BCAS3: variants seen among roughly 807,000 people sequenced by gnomAD.
The protein encoded by BCAS3 is BCAS4/BCAS3 fusion.
BCAS3 carries 53 observed loss-of-function variants against 116.1 expected under a neutral mutation model. That is an observed-to-expected ratio of 0.46 (90% CI 0.37 to 0.57). The LOEUF (loss-of-function observed/expected upper bound fraction) is 0.57. Ranked by LOEUF, BCAS3 falls within the 20% of genes least tolerant of loss-of-function variation. BCAS3 has a pLI of 0.00. For missense variants in BCAS3, 917 were observed against 1,165.4 expected, an observed-to-expected ratio of 0.79 and a Z score of 3.10; for synonymous variants, 391 against 408.2, an observed-to-expected ratio of 0.96 and a Z score of 0.51.
chr17:60,726,639 A>C, intron 5 of BCAS3, among the ~76,000 whole-genome samples: 1 of 151,828 alleles, frequency 6.6e-6, no homozygotes, highest in Non-Finnish European at 1.5e-5. Context: ...CCTCCCGAGT[A>C]GCTGGGACTA....
At chr17:61,328,159 T>TA (rs151077628) in intron 22 of BCAS3, among the ~76,000 whole-genome samples, 2,734 of 148,400 alleles carry the variant, frequency 0.018, 54 homozygotes, top group Admixed American at 0.052. Context: ...CCTATAGCTT[T>TA]AAAAAAAAAA....
At chr17:60,737,044 G>A (rs2144199935) in intron 5 of BCAS3, among the ~76,000 whole-genome samples, 1 of 152,028 alleles carries the variant, frequency 6.6e-6, no homozygotes, top group South Asian at 2.1e-4. Context: ...GGTTCAAGCG[G>A]TTCTCTTGCC....
intron 13 of BCAS3, among the ~76,000 whole-genome samples, chr17:60,928,350 T>C (rs1218224149): frequency 1.3e-5 from 2 of 152,192 alleles, no homozygotes; most frequent in Non-Finnish European, 2.9e-5. Context: ...AAATATTATT[T>C]GAATGAAAGA....
Position 61,032,242 on chromosome 17 carries a change from C to A in BCAS3, c.1638-2424C>A, listed in dbSNP as rs888597299. ...TTACCACATGATTTAAAAACAACAA[C>A]AATGACATCCAGTAATTTGCAAAGA... On this transcript the variant is annotated intron_variant, in intron 16 of 23. Coordinates refer to ENST00000407086, the MANE Select transcript of BCAS3 (RefSeq NM_017679.5). The surrounding 1 kb of genome is among the most constrained non-coding windows in gnomAD (Gnocchi z 4.6). 3.3e-5 allele frequency among the ~76,000 whole-genome samples: 5 copies of A among 152,098 alleles called. No homozygotes were observed. The highest frequency in any genetic ancestry group is 1.2e-4 in the African/African-American group (5 of 41,432).
Position 61,203,679 on chromosome 17 carries a change from T to C in BCAS3, c.2425+119115T>C, listed in dbSNP as rs2080968331. On this transcript the variant is annotated intron_variant, in intron 22 of 23. Coordinates refer to ENST00000407086, the MANE Select transcript of BCAS3 (RefSeq NM_017679.5). This position sits in a 1 kb window ranked among gnomAD's most constrained non-coding sequence, Gnocchi z 5.7. ...AGCTACATATTTTGCCTTCCGTTCA[T>C]CTTTGTAACCATTTTTTTGTTTCAG... Among the ~76,000 whole-genome samples the C allele has an allele frequency of 6.6e-6, 1 of 152,198 alleles. No individual in the cohort carries two copies. The highest frequency in any genetic ancestry group is 2.4e-5 in the African/African-American group (1 of 41,454).
chr17:60,952,013 G>A (rs1208150662), intron 14 of BCAS3, among the ~76,000 whole-genome samples: 1 of 151,510 alleles, frequency 6.6e-6, no homozygotes, highest in African/African-American at 2.4e-5. Flanking sequence ...CTCAGGTGAT[G>A]CACCCGCCTC....
intron 6 of BCAS3, among the ~76,000 whole-genome samples, chr17:60,794,348 A>G (rs1007791451): frequency 2.1e-5 from 3 of 143,748 alleles, no homozygotes; most frequent in South Asian, 2.2e-4. Flanking sequence ...CTCCCACTCT[A>G]TGGATTGTCT....
intron 23 of BCAS3, among the ~76,000 whole-genome samples, chr17:61,372,525 G>A (rs1420553579): frequency 6.6e-6 from 1 of 152,066 alleles, no homozygotes; most frequent in South Asian, 2.1e-4. Context: ...ACATGTCTAC[G>A]AACTGAATTC....
chr17:60,995,411 C>T lies in BCAS3; in HGVS notation c.1486+5176C>T, dbSNP rs1250561073. Among the ~76,000 whole-genome samples, 5 of 152,212 alleles carry T rather than the reference C, an allele frequency of 3.3e-5. No homozygotes were observed. The highest frequency in any genetic ancestry group is 4.8e-5 in the African/African-American group (2 of 41,548). ...CACCGTGAGTGAGTGATCTGCCCAC[C>T]GTGGCCTCCCAAAGTGCTGGGATTA... On this transcript the variant is annotated intron_variant, in intron 15 of 23. Coordinates refer to ENST00000407086, the MANE Select transcript of BCAS3 (RefSeq NM_017679.5). This position sits in a 1 kb window ranked among gnomAD's most constrained non-coding sequence, Gnocchi z 4.7.
intron 6 of BCAS3, among the ~76,000 whole-genome samples, chr17:60,760,898 TCTTTTTCATC>T (rs2043460505): frequency 6.6e-6 from 1 of 152,254 alleles, no homozygotes; most frequent in African/African-American, 2.4e-5. Flanking sequence ...CTTTGCTCAT[TCTTTTTCATC>T]CTTTTTTCTT....
At position 60,693,024 on chromosome 17, in the gene BCAS3, T is replaced by G. The variant is rs903762635; in HGVS notation, c.214+3263T>G. Among the ~76,000 whole-genome samples the G allele has an allele frequency of 2.6e-5, 4 of 151,502 alleles. No individual in the cohort carries two copies. The East Asian group carries it at 7.7e-4, about 29-fold the overall frequency. The stretch of plus-strand genomic sequence containing the variant: ...AGGAGAATCGCTTGAACGCAGGAGG[T>G]GGAGGTTGCCCGGCTAATTTTTTGT... On this transcript the variant is annotated intron_variant, in intron 4 of 23. Transcript: ENST00000407086.
At position 61,235,999 on chromosome 17, in the gene BCAS3, TATAG is replaced by T. The variant is rs2144470328; in HGVS notation, c.2426-132327_2426-132324del. On this transcript the variant is annotated intron_variant, in intron 22 of 23. Coordinates refer to ENST00000407086, the MANE Select transcript of BCAS3 (RefSeq NM_017679.5). The surrounding 1 kb of genome is among the most constrained non-coding windows in gnomAD (Gnocchi z 5.0). ...ACTGCAGCAGTCGGACCAGTTAAATTATAGTTAGTAAAACTTGGTGCCTTGTGAG... is the reference window on the plus strand; with the variant it reads ...ACTGCAGCAGTCGGACCAGTTAAATTTTAGTAAAACTTGGTGCCTTGTGAG... Among the ~76,000 whole-genome samples the T allele has an allele frequency of 6.6e-6, 1 of 152,330 alleles. No homozygotes were observed. The highest frequency in any genetic ancestry group is 2.4e-5 in the African/African-American group (1 of 41,590).
chr17:60,708,201 C>T (rs985965291), intron 4 of BCAS3, among the ~76,000 whole-genome samples: 6 of 151,810 alleles, frequency 4.0e-5, no homozygotes, highest in South Asian at 2.1e-4. Flanking sequence ...GGCATATGCC[C>T]GTAGTCCCAG....
intron 15 of BCAS3, among the ~76,000 whole-genome samples, chr17:60,991,851 A>C (rs1043108656): frequency 2.6e-5 from 4 of 152,092 alleles, no homozygotes; most frequent in Non-Finnish European, 5.9e-5. Context: ...ATTTTATATA[A>C]ATATAATTAT....
rs2057634051 is a variant in BCAS3, at chr17:61,348,412, A to G, written c.2426-19915A>G. On this transcript the variant is annotated intron_variant, in intron 22 of 23. Coordinates refer to ENST00000407086, the MANE Select transcript of BCAS3 (RefSeq NM_017679.5). The surrounding 1 kb of genome is among the most constrained non-coding windows in gnomAD (Gnocchi z 4.5). ...CAGGAGAGACCTGAGTTAGAGGTGCAGTTTTGGAAGTCAGTAGCATATAGG... is the reference window on the plus strand; with the variant it reads ...CAGGAGAGACCTGAGTTAGAGGTGCGGTTTTGGAAGTCAGTAGCATATAGG... 6.6e-6 allele frequency among the ~76,000 whole-genome samples: 1 copy of G among 152,180 alleles called. No homozygotes were observed. The highest frequency in any genetic ancestry group is 1.5e-5 in the Non-Finnish European group (1 of 68,034).
At chr17:61,069,341 A>G (rs1015122552) in intron 19 of BCAS3, among the ~76,000 whole-genome samples, 5 of 152,204 alleles carry the variant, frequency 3.3e-5, no homozygotes, top group African/African-American at 9.6e-5. Context: ...GAATGGTGCA[A>G]CTGAGCCAAT....
At chr17:60,919,208 T>TG (rs973846828) in intron 12 of BCAS3, among the ~76,000 whole-genome samples, 9 of 152,154 alleles carry the variant, frequency 5.9e-5, no homozygotes, top group East Asian at 3.8e-4. Context: ...ATACATTTTT[T>TG]GGGGGGGTTA....
chr17:61,112,850 C>T (rs554703020), intron 22 of BCAS3, among the ~76,000 whole-genome samples: 3 of 151,710 alleles, frequency 2.0e-5, no homozygotes, highest in Admixed American at 6.6e-5. Context: ...AAGCTCTCCT[C>T]AGCAAATGTA....
chr17:60,851,636 A>G, intron 7 of BCAS3: 7 of 702,762 alleles, frequency 1.0e-5, no homozygotes, highest in South Asian at 7.6e-5. Context: ...CAAAGGGAAA[A>G]CAGGCTGAAA....
Sources: allele counts gnomAD v4.1 joint callset (sites outside exome capture counted in the v4.1 genomes callset), GRCh38; gene constraint gnomAD v4.1.1; non-coding constraint Gnocchi (gnomAD v3.1); transcripts MANE v1.5; gene names NCBI Gene and HGNC (gene_info 2026-07-23, HGNC 2026-07-21).